Variants in NBN observed in about 807,000 individuals in gnomAD.
NBN encodes Nijmegen breakage syndrome 1 (nibrin).
In NBN, 88 loss-of-function variants were observed where a neutral mutation model predicts 90.8. The observed-to-expected ratio is 0.97, with a 90% CI of 0.82 to 1.16. The LOEUF (loss-of-function observed/expected upper bound fraction) is 1.16. NBN is among the 50% of genes most tolerant of loss of function. The probability of loss-of-function intolerance (pLI) is 0.00; values close to 1 mark genes in which losing one functional copy is unlikely to be tolerated. For synonymous variants in NBN, 328 were observed against 295.1 expected, an observed-to-expected ratio of 1.11 and a Z score of -1.14; for missense variants, 894 against 869.6, an observed-to-expected ratio of 1.03 and a Z score of -0.35.
rs1425145532 is a variant in NBN at position 89,933,498 on chromosome 8, T to G, written c.*2084A>C. On this transcript the variant is annotated 3_prime_UTR_variant, in exon 16 of 16. Transcript: ENST00000265433. ...CAGATCCACCATTATGGTTAATTGA[T>G]TTTTTACTAATTGGCAAGGTAATTT... 8.7e-6 allele frequency: 2 copies of G among 230,328 alleles called. No homozygotes were observed. Among genetic ancestry groups the G allele is most frequent in the African/African-American group, 4.4e-5 (2 of 45,136 alleles). 14.3% of individuals were successfully genotyped at this position (230,328 alleles called of 1,614,324 possible). A position where few individuals can be genotyped will look rare whatever the true frequency, so the allele number is the denominator to read the frequency against.
chr8:89,959,368 G>A (rs901185568), intron 8 of NBN, among the ~76,000 whole-genome samples: 4 of 152,146 alleles, frequency 2.6e-5, no homozygotes, highest in Non-Finnish European at 5.9e-5. Context: ...CTTAGTTCAA[G>A]TGCTGCTCTT....
chr8:89,982,961 T>TA, intron 1 of NBN, 106 bp from the exon 2 acceptor site: 4 of 1,152,024 alleles, frequency 3.5e-6, no homozygotes, highest in Non-Finnish European at 3.8e-6. Context: ...TGACAAATAT[T>TA]AAATAAAACA....
At chr8:89,981,793 C>G in intron 2 of NBN, 1 of 500,242 alleles carries the variant, frequency 2.0e-6, no homozygotes, top group Non-Finnish European at 3.5e-6. Context: ...TGACCCCTCA[C>G]ACACATTTGA....
chr8:89,972,483 A>G (rs559760373), intron 5 of NBN, among the ~76,000 whole-genome samples: 39 of 152,360 alleles, frequency 2.6e-4, no homozygotes, highest in African/African-American at 9.1e-4. Context: ...TTAAAATTCT[A>G]TTTATTTTAC....
chr8:89,943,321 ATCCTCCAATGATG>A lies in NBN; in HGVS notation c.2103_2115del (p.Ile702GlnfsTer3). Reference sequence around the variant, plus strand: ...CGAGCATGATGAGCTATTAGATCTGATCCTCCAATGATGTGTGGAAGTTTTCCTGCTCCAGGAT... The same window carrying A: ...CGAGCATGATGAGCTATTAGATCTGATGTGGAAGTTTTCCTGCTCCAGGAT... On this transcript the variant is annotated frameshift_variant, in exon 14 of 16. Coordinates refer to ENST00000265433, the MANE Select transcript of NBN (RefSeq NM_002485.5). LOFTEE classifies it high-confidence loss of function. The A allele has an allele frequency of 6.2e-7, 1 of 1,612,076 alleles. No individual in the cohort carries two copies.
intron 5 of NBN, among the ~76,000 whole-genome samples, chr8:89,977,220 T>C (rs1172983416): frequency 1.3e-5 from 2 of 152,048 alleles, no homozygotes; most frequent in Non-Finnish European, 2.9e-5. Flanking sequence ...TCCCTCCCCT[T>C]GTCCCCCACC....
intron 9 of NBN, 143 bp downstream of exon 9, chr8:89,958,582 C>T: frequency 9.6e-7 from 1 of 1,046,450 alleles, no homozygotes; most frequent in African/African-American, 1.6e-5. Context: ...TGACCCTTGT[C>T]CTAAGATATC....
intron 7 of NBN, among the ~76,000 whole-genome samples, chr8:89,970,090 A>G (rs1247379055): frequency 6.6e-6 from 1 of 152,092 alleles, no homozygotes; most frequent in Non-Finnish European, 1.5e-5. Flanking sequence ...CTCTACTAAA[A>G]GTACAAAAAT....
chr8:89,953,766 T>A (rs760048110), intron 10 of NBN, 75 bp from the exon 11 acceptor site: 3 of 1,098,442 alleles, frequency 2.7e-6, no homozygotes, highest in Non-Finnish European at 4.0e-6. Flanking sequence ...TTTGGCAATA[T>A]TCATCACTCC....
intron 8 of NBN, among the ~76,000 whole-genome samples, chr8:89,963,129 T>C (rs1279196183): frequency 2.0e-5 from 3 of 152,228 alleles, no homozygotes; most frequent in Non-Finnish European, 4.4e-5. Context: ...CAGCAGTTAT[T>C]ATTACTATGC....
chr8:89,943,148 T>C (rs1368404734), intron 14 of NBN, 105 bp downstream of exon 14: 1 of 1,189,558 alleles, frequency 8.4e-7, no homozygotes, highest in Non-Finnish European at 1.2e-6. Flanking sequence ...TGAATGACTT[T>C]ATGTCACTTA....
At chr8:89,956,816 T>C (rs1381448667) in intron 9 of NBN, among the ~76,000 whole-genome samples, 2 of 152,214 alleles carry the variant, frequency 1.3e-5, no homozygotes, top group African/African-American at 4.8e-5. Context: ...CACTATATAA[T>C]GATATTTCTG....
At position 89,982,393 on chromosome 8, in the gene NBN, G is replaced by A. The variant is rs13312855; in HGVS notation, c.171+329C>T. The A allele has an allele frequency of 8.4e-3, 3,051 of 363,456 alleles. 158 individuals carry two copies. In the East Asian group the frequency reaches 0.13, roughly 15 times the overall value. 22.5% of individuals were successfully genotyped at this position (363,456 alleles called of 1,614,324 possible). On this transcript the variant is annotated intron_variant, in intron 2 of 15. Coordinates refer to ENST00000265433, the MANE Select transcript of NBN (RefSeq NM_002485.5). The stretch of plus-strand genomic sequence containing the variant: ...ACATAAAAACACATTACTGCTAATG[G>A]CAAAAACAGCAATTACTTTTGCACC...
At chr8:89,981,261 T>G in intron 3 of NBN, 114 bp downstream of exon 3, 2 of 1,182,280 alleles carry the variant, frequency 1.7e-6, no homozygotes, top group Non-Finnish European at 2.5e-6. Flanking sequence ...AATACTGTGC[T>G]AAGCAGGAAC....
At chr8:89,977,449 G>A (rs187767169) in intron 5 of NBN, among the ~76,000 whole-genome samples, 99 of 152,214 alleles carry the variant, frequency 6.5e-4, no homozygotes, top group African/African-American at 2.4e-3. Flanking sequence ...ATGTGCATAG[G>A]TATGGACATA....
intron 2 of NBN, 144 bp from the exon 3 acceptor site, chr8:89,981,667 G>T: frequency 1.2e-6 from 1 of 806,994 alleles, no homozygotes; most frequent in Non-Finnish European, 1.9e-6. Context: ...GTTGCCTTGA[G>T]AGGAAGATCA....
In NBN at chr8:89,935,490, G is replaced by A. The variant is rs13312975; in HGVS notation, c.*92C>T. 5.7e-5 allele frequency: 82 copies of A among 1,449,006 alleles called. No homozygotes were observed. The highest frequency in any genetic ancestry group is 6.6e-5 in the Non-Finnish European group (69 of 1,043,942). The allele number at this position is 1,449,006 out of a possible 1,614,324, so 89.8% of individuals were successfully genotyped here. ...GCCATAAAACATTGTAACTTAAATC[G>A]CTTCTATACACTATATATTCATATA... is the stretch of plus-strand genomic sequence containing the variant. On this transcript the variant is annotated 3_prime_UTR_variant, in exon 16 of 16. Coordinates refer to ENST00000265433, the MANE Select transcript of NBN (RefSeq NM_002485.5).
chr8:89,946,642 C>G (rs940228068), intron 12 of NBN: 2 of 249,166 alleles, frequency 8.0e-6, no homozygotes, highest in African/African-American at 4.7e-5. Flanking sequence ...AAAATCTCAG[C>G]ACTGTTTGCT....
At chr8:89,958,911 T>C in intron 8 of NBN, 57 bp from the exon 9 acceptor site, 1 of 1,599,968 alleles carries the variant, frequency 6.3e-7, no homozygotes, top group Non-Finnish European at 8.6e-7. Flanking sequence ...AAGATGAACA[T>C]CTGGTCACTT....
Sources: gnomAD v4.1 joint callset for allele counts (sites outside exome capture counted in the v4.1 genomes callset) on GRCh38, gnomAD v4.1.1 for gene constraint, MANE v1.5 for transcripts, NCBI Gene and HGNC (gene_info 2026-07-23, HGNC 2026-07-21) for gene names.